FRMD3: variants seen among roughly 807,000 people sequenced by gnomAD.
FRMD3 encodes FERM domain containing 3.
A neutral mutation model predicts 70.2 loss-of-function variants in FRMD3; 33 were observed. That is an observed-to-expected ratio of 0.47 (90% confidence interval 0.36 to 0.63). The LOEUF (loss-of-function observed/expected upper bound fraction) is 0.63. FRMD3 is among the 20% of genes least tolerant of loss of function. The pLI is 0.00. For missense variants in FRMD3, 632 were observed against 711.4 expected (o/e 0.89, Z 1.27); for synonymous variants, 279 against 255.9 (o/e 1.09, Z -0.86).
At chr9:83,386,792 T>G (rs1307369451) in intron 2 of FRMD3, among the ~76,000 whole-genome samples, 1 of 152,240 alleles carries the variant, frequency 6.6e-6, no homozygotes, top group Non-Finnish European at 1.5e-5. Context: ...AATCTCTGAC[T>G]GTGAATCCAG....
At chr9:83,460,948 A>C (rs1278065878) in intron 1 of FRMD3, among the ~76,000 whole-genome samples, 1 of 151,814 alleles carries the variant, frequency 6.6e-6, no homozygotes, top group African/African-American at 2.4e-5. Flanking sequence ...AGGAAAAAAA[A>C]AAACAGCCCC....
At chr9:83,342,692 TTAGATAGATAGATAGA>T (rs71498046) in intron 5 of FRMD3, among the ~76,000 whole-genome samples, 86 of 146,998 alleles carry the variant, frequency 5.9e-4, no homozygotes, top group African/African-American at 1.9e-3. Flanking sequence ...GATGGATAGA[TTAGATAGATAGATAGA>T]TAGATAGATA....
In FRMD3 at chr9:83,382,919, G is replaced by T. The variant is rs576295135; in HGVS notation, c.252+6685C>A. On this transcript the variant is annotated intron_variant, in intron 2 of 13. Coordinates refer to ENST00000304195, the MANE Select transcript of FRMD3 (RefSeq NM_174938.6). ...ACATCTCCACCTCAACTTCTCTCAT[G>T]CATCCCAACTCAAAACGTTCAGAAC... Among the ~76,000 whole-genome samples the T allele has an allele frequency of 2.0e-5, 3 of 152,034 alleles. No homozygotes were observed. The South Asian group carries it at 6.2e-4, about 32-fold the overall frequency.
At chr9:83,356,175 A>G (rs1030948757) in intron 3 of FRMD3, among the ~76,000 whole-genome samples, 10 of 152,092 alleles carry the variant, frequency 6.6e-5, no homozygotes, top group African/African-American at 1.7e-4. Flanking sequence ...GGTGAAAGGG[A>G]AAAAGGGACT....
intron 1 of FRMD3, among the ~76,000 whole-genome samples, chr9:83,405,992 T>A (rs1826091519): frequency 6.6e-6 from 1 of 152,172 alleles, no homozygotes; most frequent in African/African-American, 2.4e-5. Flanking sequence ...ATTTCTTTTT[T>A]TTTTCCAGCA....
chr9:83,283,708 T>C (rs1413525421), intron 13 of FRMD3, among the ~76,000 whole-genome samples: 1 of 152,178 alleles, frequency 6.6e-6, no homozygotes, highest in Admixed American at 6.5e-5. Context: ...TACTATGTGC[T>C]TATCAGCAGC....
intron 1 of FRMD3, among the ~76,000 whole-genome samples, chr9:83,508,072 T>C (rs1829245966): frequency 6.6e-6 from 1 of 152,076 alleles, no homozygotes; most frequent in South Asian, 2.1e-4. Flanking sequence ...CATACACCAG[T>C]GAGAATTAAA....
intron 1 of FRMD3, among the ~76,000 whole-genome samples, chr9:83,458,193 T>C (rs181966518): frequency 6.6e-6 from 1 of 152,180 alleles, no homozygotes; most frequent in African/African-American, 2.4e-5. Flanking sequence ...GATTAATAGA[T>C]GATAAGTGGC....
intron 3 of FRMD3, among the ~76,000 whole-genome samples, chr9:83,369,577 AAAATAAATAAAT>A (rs138276429): frequency 0.054 from 7,703 of 142,110 alleles, 245 homozygotes; most frequent in East Asian, 0.15. Context: ...ACTCTGTCTC[AAAATAAATAAAT>A]AAATAAATAA....
At chr9:83,457,704 C>T (rs570598547) in intron 1 of FRMD3, among the ~76,000 whole-genome samples, 67 of 152,032 alleles carry the variant, frequency 4.4e-4, no homozygotes, top group South Asian at 2.1e-3. Context: ...ATTTTTTATC[C>T]GTGGTTGGTT....
intron 1 of FRMD3, among the ~76,000 whole-genome samples, chr9:83,421,072 C>G (rs1826625857): frequency 6.6e-6 from 1 of 151,356 alleles, no homozygotes; most frequent in South Asian, 2.1e-4. Context: ...TCCCGAGTAG[C>G]TGGGACTACA....
At chr9:83,404,060 A>G (rs988154530) in intron 1 of FRMD3, among the ~76,000 whole-genome samples, 2 of 115,188 alleles carry the variant, frequency 1.7e-5, no homozygotes, top group Non-Finnish European at 3.5e-5. Context: ...GAATTCCTGC[A>G]TACACACGCA....
At chr9:83,297,827 T>C in intron 12 of FRMD3, 1 of 471,806 alleles carries the variant, frequency 2.1e-6, no homozygotes, top group South Asian at 1.5e-5. Flanking sequence ...CTACATGGGA[T>C]ATCATGCCAA....
the FRMD3 span, among the ~76,000 whole-genome samples, chr9:83,546,979 T>G: frequency 6.7e-6 from 1 of 150,170 alleles, no homozygotes. Context: ...CCCATCTAAC[T>G]GGTAAATAAA....
At chr9:83,425,681 G>T (rs1267649844) in intron 1 of FRMD3, among the ~76,000 whole-genome samples, 1 of 152,056 alleles carries the variant, frequency 6.6e-6, no homozygotes, top group Non-Finnish European at 1.5e-5. Flanking sequence ...CGAGGCGGGA[G>T]GATCACTTGA....
chr9:83,464,920 T>TGAGGCAGGAGAATTGTTTG (rs549027923), intron 1 of FRMD3, among the ~76,000 whole-genome samples: 8,193 of 151,580 alleles, frequency 0.054, 365 homozygotes, highest in East Asian at 0.16. Context: ...CTCGGGAGGC[T>TGAGGCAGGAGAATTGTTTG]GAGGCAGGAG....
At chr9:83,499,088 A>G (rs958650691) in intron 1 of FRMD3, among the ~76,000 whole-genome samples, 1 of 152,298 alleles carries the variant, frequency 6.6e-6, no homozygotes, top group Admixed American at 6.5e-5. Context: ...GCTGATGATC[A>G]TAACTGTTGC....
intron 6 of FRMD3, among the ~76,000 whole-genome samples, chr9:83,326,118 C>T (rs934274484): frequency 2.0e-5 from 3 of 152,114 alleles, no homozygotes; most frequent in African/African-American, 7.2e-5. Flanking sequence ...CACAGGAAGC[C>T]ATGTCTATTT....
intron 13 of FRMD3, among the ~76,000 whole-genome samples, chr9:83,263,915 T>C (rs1287853206): frequency 2.6e-5 from 4 of 152,122 alleles, no homozygotes; most frequent in Admixed American, 1.3e-4. Flanking sequence ...CAAAGTAGCA[T>C]AAAAGAAAAT....
Sources: gnomAD v4.1 joint callset for allele counts (sites outside exome capture counted in the v4.1 genomes callset) on GRCh38, gnomAD v4.1.1 for gene constraint, MANE v1.5 for transcripts, NCBI Gene and HGNC (gene_info 2026-07-23, HGNC 2026-07-21) for gene names.